Variants in CNTNAP3B observed in about 807,000 individuals in gnomAD.
The protein encoded by CNTNAP3B is contactin-associated protein-like 3B.
CNTNAP3B carries 25 observed loss-of-function variants against 108.9 expected under a neutral mutation model. The observed-to-expected ratio is 0.23, with a 90% CI of 0.17 to 0.32. The LOEUF is 0.32. Ranked by LOEUF, CNTNAP3B falls within the 10% of genes least tolerant of loss-of-function variation. The pLI, the probability that CNTNAP3B is intolerant of heterozygous loss-of-function variation, is 1.00. For synonymous variants in CNTNAP3B, 103 were observed against 473.4 expected (o/e 0.22, Z 10.16); for missense variants, 252 against 1,210.4 (o/e 0.21, Z 11.75).
chr9:41,943,484 C>T (rs1824426364), intron 13 of CNTNAP3B, among the ~76,000 whole-genome samples: 1 of 151,890 alleles, frequency 6.6e-6, no homozygotes, highest in South Asian at 2.1e-4. Context: ...TCCCGAGTAG[C>T]TGGGACTACA....
chr9:41,940,755 C>A (rs1478840449), intron 13 of CNTNAP3B, among the ~76,000 whole-genome samples: 2 of 151,984 alleles, frequency 1.3e-5, no homozygotes, highest in East Asian at 1.9e-4. Context: ...GCGGAGCCTG[C>A]AGTGAGCCGA....
chr9:41,949,764 T>G lies in CNTNAP3B; in HGVS notation c.2080+3419A>C, dbSNP rs374462822. 2.7e-3 allele frequency among the ~76,000 whole-genome samples: 375 copies of G among 139,994 alleles called. No homozygotes were observed. In the Middle Eastern group the frequency reaches 0.038, roughly 14 times the overall value. 91.8% of individuals were successfully genotyped at this position (139,994 alleles called of 152,430 possible). On this transcript the variant is annotated intron_variant, in intron 13 of 23. Coordinates refer to ENST00000377561, the MANE Select transcript of CNTNAP3B (RefSeq NM_001201380.3). ...GAATTAAAAGTAAAAGGTAAAACTA[T>G]AAAACTTTTAGGAAAAAAATTCAAA...
intron 12 of CNTNAP3B, among the ~76,000 whole-genome samples, chr9:41,957,790 TCG>T (rs1350187250): frequency 2.0e-5 from 3 of 152,298 alleles, no homozygotes; most frequent in Admixed American, 1.3e-4. Context: ...AGACAAAATC[TCG>T]CTCTGTCACC....
At chr9:42,049,332 A>G (rs1435570600) in intron 3 of CNTNAP3B, among the ~76,000 whole-genome samples, 1 of 139,720 alleles carries the variant, frequency 7.2e-6, no homozygotes, top group Non-Finnish European at 1.5e-5. Context: ...TCTGATTTTC[A>G]TTATCAGCCT....
intron 10 of CNTNAP3B, among the ~76,000 whole-genome samples, chr9:41,967,277 A>G (rs1446025998): frequency 3.3e-5 from 5 of 152,276 alleles, no homozygotes; most frequent in African/African-American, 1.2e-4. Flanking sequence ...ATGCAGGCAG[A>G]TCTTTCTCAT....
chr9:41,958,567 C>T (rs1372632923), intron 12 of CNTNAP3B, among the ~76,000 whole-genome samples: 1 of 151,806 alleles, frequency 6.6e-6, no homozygotes, highest in Non-Finnish European at 1.5e-5. Flanking sequence ...GGTCTGAGTC[C>T]TTTAGGGAGC....
chr9:42,114,852 G>C (rs758022510), intron 1 of CNTNAP3B, among the ~76,000 whole-genome samples: 6 of 136,640 alleles, frequency 4.4e-5, no homozygotes, highest in Non-Finnish European at 9.3e-5. Flanking sequence ...TCAGGAGTTT[G>C]AGACGAGCCT....
At chr9:41,932,417 C>T (rs984811953) in intron 14 of CNTNAP3B, among the ~76,000 whole-genome samples, 2 of 151,748 alleles carry the variant, frequency 1.3e-5, no homozygotes, top group Non-Finnish European at 2.9e-5. Flanking sequence ...TTATTATTTG[C>T]CAGGGAACTT....
chr9:41,959,449 T>C (rs1462010337), intron 12 of CNTNAP3B, among the ~76,000 whole-genome samples: 24 of 152,292 alleles, frequency 1.6e-4, no homozygotes, highest in Non-Finnish European at 2.4e-4. Flanking sequence ...TGTCAGTAGA[T>C]ACTTCCCTAA....
At chr9:41,924,317 G>C (rs780712963) in intron 15 of CNTNAP3B, among the ~76,000 whole-genome samples, 1 of 151,718 alleles carries the variant, frequency 6.6e-6, no homozygotes, top group Non-Finnish European at 1.5e-5. Flanking sequence ...CCAAACAAAA[G>C]CGAAGCAAAA....
At chr9:41,919,260 G>T (rs1034609482) in intron 18 of CNTNAP3B, among the ~76,000 whole-genome samples, 1 of 148,436 alleles carries the variant, frequency 6.7e-6, no homozygotes, top group African/African-American at 2.5e-5. Flanking sequence ...TCAGCCTCCC[G>T]AGTAGCTGGG....
At chr9:42,044,451 T>C in intron 3 of CNTNAP3B, among the ~76,000 whole-genome samples, 1 of 140,712 alleles carries the variant, frequency 7.1e-6, no homozygotes, top group Non-Finnish European at 1.5e-5. Flanking sequence ...CCTTTTAAAG[T>C]TCATTATTAA....
chr9:41,954,133 G>T (rs1368268241), intron 12 of CNTNAP3B, among the ~76,000 whole-genome samples: 9 of 152,246 alleles, frequency 5.9e-5, no homozygotes, highest in Admixed American at 4.6e-4. Flanking sequence ...ATTCTACTAT[G>T]CTGGTGCTGT....
At chr9:41,915,898 G>A (rs1823504828) in intron 18 of CNTNAP3B, among the ~76,000 whole-genome samples, 1 of 150,982 alleles carries the variant, frequency 6.6e-6, no homozygotes, top group Non-Finnish European at 1.5e-5. Context: ...TTTCTTTAGT[G>A]ATTGCTCTAA....
intron 14 of CNTNAP3B, among the ~76,000 whole-genome samples, chr9:41,935,564 T>A (rs1359481567): frequency 1.3e-5 from 2 of 152,408 alleles, no homozygotes; most frequent in South Asian, 4.1e-4. Flanking sequence ...TTTTATAAAC[T>A]GAAAAATCAA....
chr9:41,931,573 C>G (rs1388678554), intron 14 of CNTNAP3B, among the ~76,000 whole-genome samples: 1 of 151,594 alleles, frequency 6.6e-6, no homozygotes, highest in Non-Finnish European at 1.5e-5. Flanking sequence ...AAGCTTATTT[C>G]TAAAATTCAG....
rs532775742 is a variant in CNTNAP3B, at chr9:42,079,723, C to T, written c.197-2661G>A. On this transcript the variant is annotated intron_variant, in intron 2 of 23. Transcript: ENST00000377561. ...TTTTAGTAGAGACGGGGTTTCACCA[C>T]GTTGGCCAGGATGGTCTTGGTCTCC... Among the ~76,000 whole-genome samples the T allele has an allele frequency of 8.2e-3, 1,132 of 137,504 alleles. 154 individuals carry two copies. The highest frequency in any genetic ancestry group is 0.013 in the Non-Finnish European group (844 of 64,318). The allele number at this position is 137,504 out of a possible 152,430, so 90.2% of individuals were successfully genotyped here.
At chr9:41,983,188 C>A (rs1337999968) in intron 9 of CNTNAP3B, 1 of 137,408 alleles carries the variant, frequency 7.3e-6, no homozygotes, top group Non-Finnish European at 1.5e-5. Context: ...ACCTCTGAAC[C>A]TAAAATAAGT....
At position 41,995,522 on chromosome 9, in the gene CNTNAP3B, T is replaced by G. The variant is rs558970674; in HGVS notation, c.1071+683A>C. Among the ~76,000 whole-genome samples the G allele has an allele frequency of 6.4e-3, 865 of 134,294 alleles. 128 individuals are homozygous for G. Among genetic ancestry groups the G allele is most frequent in the Non-Finnish European group, 0.01 (648 of 63,568 alleles). 88.1% of individuals were successfully genotyped at this position (134,294 alleles called of 152,430 possible). ...AGGCCAAGGTGGGCAGATCACGAGG[T>G]TGGGAAATCGAGACCATCCTGGCTA... On this transcript the variant is annotated intron_variant, in intron 7 of 23. Coordinates refer to ENST00000377561, the MANE Select transcript of CNTNAP3B (RefSeq NM_001201380.3).
Sources: gnomAD v4.1 joint callset for allele counts (sites outside exome capture counted in the v4.1 genomes callset) on GRCh38, gnomAD v4.1.1 for gene constraint, MANE v1.5 for transcripts, NCBI Gene and HGNC (gene_info 2026-07-23, HGNC 2026-07-21) for gene names.